FLT1: variants seen among roughly 807,000 people sequenced by gnomAD.
The protein encoded by FLT1 is vascular endothelial growth factor receptor 1.
FLT1 carries 49 observed loss-of-function variants against 156.3 expected under a neutral mutation model. The ratio of observed to expected loss-of-function variants is 0.31; its 90% CI spans 0.25 to 0.40. The LOEUF (loss-of-function observed/expected upper bound fraction) is 0.40. Among genes scored for constraint, FLT1 ranks in the 10% least tolerant of loss-of-function variants. The pLI, the probability that FLT1 is intolerant of heterozygous loss-of-function variation, is 1.00. For synonymous variants in FLT1, 594 were observed against 583.8 expected, an observed-to-expected ratio of 1.02 and a Z score of -0.25; for missense variants, 1,322 against 1,637.2, an observed-to-expected ratio of 0.81 and a Z score of 3.32.
intron 6 of FLT1, 62 bp from the exon 7 acceptor site, chr13:28,431,372 G>A (rs538974953): frequency 2.5e-6 from 3 of 1,190,322 alleles, no homozygotes; most frequent in Non-Finnish European, 2.5e-6. Flanking sequence ...AGTTATATAG[G>A]ATTTTAACAT....
intron 14 of FLT1, among the ~76,000 whole-genome samples, chr13:28,376,856 C>T (rs1347356819): frequency 6.6e-6 from 1 of 152,202 alleles, no homozygotes; most frequent in African/African-American, 2.4e-5. Context: ...AGTAAAGACA[C>T]TCAGGGTCAA....
chr13:28,382,760 A>G (rs576862092), intron 14 of FLT1, among the ~76,000 whole-genome samples: 1 of 152,352 alleles, frequency 6.6e-6, no homozygotes, highest in South Asian at 2.1e-4. Flanking sequence ...AGGAGAGACC[A>G]TCACCTTCTA....
chr13:28,391,026 C>G (rs1874681203), intron 12 of FLT1, among the ~76,000 whole-genome samples: 1 of 152,154 alleles, frequency 6.6e-6, no homozygotes, highest in African/African-American at 2.4e-5. Flanking sequence ...AGCCCGCTGA[C>G]TTACTCAGGA....
In FLT1 at chr13:28,382,646, G is replaced by A. The variant is rs538360063; in HGVS notation, c.2116+2239C>T. Among the ~76,000 whole-genome samples the A allele has an allele frequency of 3.9e-5, 6 of 152,268 alleles. No individual in the cohort carries two copies. The South Asian group carries it at 6.2e-4, about 16-fold the overall frequency. ...AGGCTAGGTAATGAGTGTCTGGACC[G>A]AGAGAATAATGGGGAAGCAGAGAAA... is the stretch of plus-strand genomic sequence containing the variant. On this transcript the variant is annotated intron_variant, in intron 14 of 29. Coordinates refer to ENST00000282397, the MANE Select transcript of FLT1 (RefSeq NM_002019.4).
intron 11 of FLT1, among the ~76,000 whole-genome samples, chr13:28,400,240 A>T (rs1593747704): frequency 6.6e-6 from 1 of 152,310 alleles, no homozygotes; most frequent in Non-Finnish European, 1.5e-5. Flanking sequence ...AAATACTACT[A>T]CTATTTACAG....
In FLT1 at chr13:28,389,845, A is replaced by C; in HGVS notation, c.1920T>G (p.Asn640Lys). ...GGAGGATTTCTTCCCCTGTGTATAC[A>C]TTCCTGGCTCTGCAGGCATAGGTGC... ...DSGTYACRAR[N>K]VYTGEEILQK... Residue 640 changes from asparagine (N) to lysine (K), a missense_variant, in exon 13 of 30, where the codon AAT becomes AAG. By Grantham distance (94) the Asn-to-Lys change is moderately conservative. Coordinates refer to ENST00000282397, the MANE Select transcript of FLT1 (RefSeq NM_002019.4). The C allele has an allele frequency of 6.2e-7, 1 of 1,614,176 alleles. No homozygotes were observed. The highest frequency in any genetic ancestry group is 8.5e-7 in the Non-Finnish European group (1 of 1,180,014).
intron 4 of FLT1, among the ~76,000 whole-genome samples, chr13:28,434,428 A>C (rs948373181): frequency 2.6e-5 from 4 of 152,234 alleles, no homozygotes; most frequent in Non-Finnish European, 5.9e-5. Flanking sequence ...TATTTGCATT[A>C]TGATAAATTA....
chr13:28,464,654 C>T (rs774259707), intron 3 of FLT1, among the ~76,000 whole-genome samples: 4 of 152,236 alleles, frequency 2.6e-5, no homozygotes, highest in Non-Finnish European at 5.9e-5. Flanking sequence ...CACTCAAAGT[C>T]ATGATTGTTT....
In FLT1 at chr13:28,314,399, G is replaced by T. The variant is rs78859898; in HGVS notation, c.3387-2301C>A. On this transcript the variant is annotated intron_variant, in intron 25 of 29. Coordinates refer to ENST00000282397, the MANE Select transcript of FLT1 (RefSeq NM_002019.4). ...CATCTCAGCAAACATCAAATGAAAA[G>T]AAAAAAAAAATAAAAAAATTCATTG... Among the ~76,000 whole-genome samples, 834 of 147,090 alleles carry T rather than the reference G, an allele frequency of 5.7e-3. 5 individuals are homozygous for T. Among genetic ancestry groups the T allele is most frequent in the African/African-American group, 0.02 (802 of 40,154 alleles).
chr13:28,447,822 A>G (rs1413925975), intron 3 of FLT1, among the ~76,000 whole-genome samples: 2 of 150,632 alleles, frequency 1.3e-5, no homozygotes, highest in Non-Finnish European at 3.0e-5. Flanking sequence ...TAGATATATT[A>G]TGTATCTATA....
intron 14 of FLT1, among the ~76,000 whole-genome samples, chr13:28,382,704 AGGTGTAATCTG>A (rs1874129644): frequency 6.6e-6 from 1 of 152,218 alleles, no homozygotes; most frequent in South Asian, 2.1e-4. Flanking sequence ...AGTATTTAGT[AGGTGTAATCTG>A]CTCAGTCTGG....
Position 28,301,373 on chromosome 13 carries a change from A to G in FLT1, c.*1794T>C, listed in dbSNP as rs542792744. ...AGATCTTGGTGGAGAGGACTGTCCC[A>G]CTCCTCTCTTCTGGCTAGTGAGTCT... is the stretch of plus-strand genomic sequence containing the variant. On this transcript the variant is annotated 3_prime_UTR_variant, in exon 30 of 30. Transcript: ENST00000282397. 4.7e-5 allele frequency: 11 copies of G among 232,538 alleles called. No individual in the cohort carries two copies. The highest frequency in any genetic ancestry group is 2.2e-4 in the African/African-American group (10 of 45,228). 14.4% of individuals were successfully genotyped at this position (232,538 alleles called of 1,614,324 possible).
intron 17 of FLT1, among the ~76,000 whole-genome samples, chr13:28,335,900 G>A (rs557920199): frequency 6.6e-5 from 10 of 152,208 alleles, no homozygotes; most frequent in Non-Finnish European, 1.3e-4. Flanking sequence ...CTGAAAATCC[G>A]GTGTGGGAAC....
chr13:28,434,555 C>G (rs1004619938), intron 4 of FLT1, among the ~76,000 whole-genome samples: 1 of 152,204 alleles, frequency 6.6e-6, no homozygotes, highest in Non-Finnish European at 1.5e-5. Flanking sequence ...CTCCGGGAAT[C>G]TTCATAATAA....
intron 14 of FLT1, among the ~76,000 whole-genome samples, chr13:28,378,314 T>C (rs1307890115): frequency 6.6e-6 from 1 of 152,242 alleles, no homozygotes. Flanking sequence ...CCCAAAGTGC[T>C]GGGATTACAG....
rs1437521124 is a variant in FLT1 at position 28,300,450 on chromosome 13, T to C, written c.*2717A>G. On this transcript the variant is annotated 3_prime_UTR_variant, in exon 30 of 30. Coordinates refer to ENST00000282397, the MANE Select transcript of FLT1 (RefSeq NM_002019.4). Reference sequence around the variant, plus strand: ...TCTGTCTTATATCTGTAGCATATATTCTTGGTTTGTATAAAAGTAACTTTA... The same window carrying C: ...TCTGTCTTATATCTGTAGCATATATCCTTGGTTTGTATAAAAGTAACTTTA... 2 of 233,116 alleles carry C rather than the reference T, an allele frequency of 8.6e-6. No homozygotes were observed. Among genetic ancestry groups the C allele is most frequent in the Non-Finnish European group, 1.7e-5 (2 of 118,060 alleles). 14.4% of individuals were successfully genotyped at this position (233,116 alleles called of 1,614,324 possible). A position where few individuals can be genotyped will look rare whatever the true frequency, so the allele number is the denominator to read the frequency against.
rs569371568 is a variant in FLT1 at position 28,306,788 on chromosome 13, G to A, written c.3721-16C>T. On this transcript the variant is annotated splice_polypyrimidine_tract_variant and intron_variant, in intron 28 of 29. Transcript: ENST00000282397. ...CCTGGTAGTCCTAGGGGGAGAAGGA[G>A]AAAGGTTATACTCTTGCCTGGCCCA... 5 of 1,580,550 alleles carry A rather than the reference G, an allele frequency of 3.2e-6. No individual in the cohort carries two copies. In the South Asian group the frequency reaches 3.3e-5, roughly 10 times the overall value.
chr13:28,369,935 C>T (rs1408288071), intron 14 of FLT1, among the ~76,000 whole-genome samples: 1 of 152,152 alleles, frequency 6.6e-6, no homozygotes. Context: ...TGCAGTGGCT[C>T]ATGCCTGTAA....
intron 11 of FLT1, among the ~76,000 whole-genome samples, chr13:28,405,019 CAAAA>C (rs762428024): frequency 1.1e-5 from 1 of 94,694 alleles, no homozygotes; most frequent in Non-Finnish European, 2.1e-5. Context: ...GACTCCATCT[CAAAA>C]AAAAAAAAAA....
Sources: allele counts gnomAD v4.1 joint callset (sites outside exome capture counted in the v4.1 genomes callset), GRCh38; gene constraint gnomAD v4.1.1; transcripts MANE v1.5; gene names NCBI Gene and HGNC (gene_info 2026-07-23, HGNC 2026-07-21).